Variants in AKR1C4 observed in about 807,000 individuals in gnomAD.
The protein encoded by AKR1C4 is 3-alpha-HSD1.
A neutral mutation model predicts 41.0 loss-of-function variants in AKR1C4; 44 were observed. The observed-to-expected ratio is 1.07, with a 90% CI of 0.84 to 1.38. The LOEUF (loss-of-function observed/expected upper bound fraction) is 1.38. Ranked by LOEUF, AKR1C4 falls within the 40% of genes most tolerant of loss-of-function variation. AKR1C4 has a pLI of 0.00. For synonymous variants in AKR1C4, 165 were observed against 137.7 expected (o/e 1.20, Z -1.39); for missense variants, 438 against 387.9 (o/e 1.13, Z -1.09).
rs782279849 is a variant in AKR1C4, at chr10:5,206,267, C to T, written c.448-8C>T. 1.2e-6 allele frequency: 2 copies of T among 1,614,008 alleles called. No homozygotes were observed. The highest frequency in any genetic ancestry group is 1.7e-6 in the Non-Finnish European group (2 of 1,179,918). On this transcript the variant is annotated splice_region_variant and splice_polypyrimidine_tract_variant and intron_variant, in intron 4 of 8. Coordinates refer to ENST00000263126, the MANE Select transcript of AKR1C4 (RefSeq NM_001818.5). ...ACAAATAATTCCTCACAACCCCTTT[C>T]TCCCCAGGTCATGGAGAAGTGTAAG...
chr10:5,206,126 T>G, intron 4 of AKR1C4, 149 bp from the exon 5 acceptor site: 1 of 1,378,946 alleles, frequency 7.3e-7, no homozygotes, highest in Non-Finnish European at 9.8e-7. Flanking sequence ...CACTATCCTT[T>G]TGTTATCTGT....
intron 1 of AKR1C4, among the ~76,000 whole-genome samples, chr10:5,197,261 C>T (rs934316809): frequency 6.6e-6 from 1 of 152,218 alleles, no homozygotes; most frequent in Non-Finnish European, 1.5e-5. Context: ...TGGCAGTTCC[C>T]TTTCTAGGAG....
intron 5 of AKR1C4, chr10:5,207,584 T>C (rs1554797589): frequency 7.2e-6 from 7 of 977,028 alleles, no homozygotes; most frequent in South Asian, 1.3e-5. Flanking sequence ...AACTTGTCTC[T>C]CTCAGAAATT....
At chr10:5,203,757 T>C (rs1489472378) in intron 2 of AKR1C4, among the ~76,000 whole-genome samples, 1 of 152,212 alleles carries the variant, frequency 6.6e-6, no homozygotes, top group Admixed American at 6.5e-5. Flanking sequence ...CTGCCTCCAA[T>C]CCACAATCTT....
chr10:5,201,423 A>T (rs1832399789), intron 2 of AKR1C4, among the ~76,000 whole-genome samples: 1 of 151,950 alleles, frequency 6.6e-6, no homozygotes, highest in South Asian at 2.1e-4. Flanking sequence ...ATGTCTATTC[A>T]TGTTATTTGC....
chr10:5,204,071 G>A (rs1832447413), intron 2 of AKR1C4, among the ~76,000 whole-genome samples: 1 of 152,140 alleles, frequency 6.6e-6, no homozygotes, highest in African/African-American at 2.4e-5. Flanking sequence ...CGGGTTCAAT[G>A]GATGAGAAAA....
chr10:5,197,573 G>C, intron 1 of AKR1C4, among the ~76,000 whole-genome samples: 1 of 152,288 alleles, frequency 6.6e-6, no homozygotes, highest in Middle Eastern at 3.4e-3. Context: ...TAAATTTTTG[G>C]TCCGTGTTAA....
At chr10:5,207,752 T>C (rs1404244138) in intron 5 of AKR1C4, 3 of 433,886 alleles carry the variant, frequency 6.9e-6, no homozygotes, top group Admixed American at 6.1e-5. Context: ...AAGATGAATA[T>C]GATACCTTTT....
intron 7 of AKR1C4, 73 bp downstream of exon 7, chr10:5,213,232 G>GACA: frequency 1.3e-6 from 2 of 1,569,830 alleles, no homozygotes; most frequent in Non-Finnish European, 1.7e-6. Context: ...AGGTTCTCAG[G>GACA]ACACCCTTGG....
chr10:5,204,824 CA>C (rs1304136668), intron 3 of AKR1C4, among the ~76,000 whole-genome samples: 4 of 152,088 alleles, frequency 2.6e-5, no homozygotes, highest in Admixed American at 1.3e-4. Flanking sequence ...TGTGGTACCC[CA>C]AAAAAACTGC....
At chr10:5,199,384 G>A (rs1336191522) in intron 1 of AKR1C4, among the ~76,000 whole-genome samples, 1 of 152,080 alleles carries the variant, frequency 6.6e-6, no homozygotes, top group African/African-American at 2.4e-5. Flanking sequence ...CCCTGGCTAC[G>A]GCTCCACCGC....
chr10:5,202,108 A>C (rs944581306), intron 2 of AKR1C4, among the ~76,000 whole-genome samples: 16 of 152,116 alleles, frequency 1.1e-4, no homozygotes, highest in African/African-American at 3.9e-4. Context: ...TTCCATATGA[A>C]TTTGGAATAT....
intron 1 of AKR1C4, 147 bp downstream of exon 1, chr10:5,197,098 A>G (rs1832323055): frequency 1.3e-6 from 1 of 754,396 alleles, no homozygotes; most frequent in Admixed American, 2.1e-5. Flanking sequence ...TCTATGTTCA[A>G]AGAGAAAAGG....
At chr10:5,215,809 C>A (rs1029308087) in intron 7 of AKR1C4, among the ~76,000 whole-genome samples, 2 of 152,154 alleles carry the variant, frequency 1.3e-5, no homozygotes, top group Non-Finnish European at 2.9e-5. Flanking sequence ...AATCACTTAA[C>A]CAATGCCTAA....
In AKR1C4 at chr10:5,202,392, G is replaced by C. The variant is rs1432946907; in HGVS notation, c.253-1985G>C. The C allele has an allele frequency of 5.7e-5, 24 of 422,658 alleles. No individual in the cohort carries two copies. The Admixed American group carries it at 6.0e-4, about 11-fold the overall frequency. 26.2% of individuals were successfully genotyped at this position (422,658 alleles called of 1,614,324 possible). On this transcript the variant is annotated intron_variant, in intron 2 of 8. Coordinates refer to ENST00000263126, the MANE Select transcript of AKR1C4 (RefSeq NM_001818.5). ...GACTTTACTGAATTTGTTTGTCGGA[G>C]GAGCTTTTTGGATGAGGCTTTGGGG...
chr10:5,205,928 T>C, intron 4 of AKR1C4, 94 bp downstream of exon 4: 2 of 1,279,802 alleles, frequency 1.6e-6, no homozygotes, highest in Non-Finnish European at 2.2e-6. Flanking sequence ...TATGCACCAT[T>C]GGAACTAGAA....
At chr10:5,217,606 A>G (rs561731218) in intron 8 of AKR1C4, among the ~76,000 whole-genome samples, 53 of 152,358 alleles carry the variant, frequency 3.5e-4, no homozygotes, top group African/African-American at 1.2e-3. Context: ...CTAAAAATAA[A>G]AAAATTAGCC....
Position 5,204,487 on chromosome 10 carries a change from T to C in AKR1C4, c.363T>C (p.Ala121=). Residue 121 remains alanine, a synonymous_variant, in exon 3 of 9, where the codon GCT becomes GCC. Transcript: ENST00000263126. ...VDLYLLHFPM[A]LKPGETPLPK... ...TCTATCTTCTTCATTTCCCAATGGCTCTCAAGGTAGGGAATTTGTGAGATC... is the reference window on the plus strand; with the variant it reads ...TCTATCTTCTTCATTTCCCAATGGCCCTCAAGGTAGGGAATTTGTGAGATC... 6.2e-7 allele frequency: 1 copy of C among 1,607,656 alleles called. No individual in the cohort carries two copies. Among genetic ancestry groups the C allele is most frequent in the African/African-American group, 1.3e-5 (1 of 74,878 alleles).
chr10:5,203,488 G>A (rs1258146681), intron 2 of AKR1C4, among the ~76,000 whole-genome samples: 2 of 152,176 alleles, frequency 1.3e-5, no homozygotes, highest in Non-Finnish European at 2.9e-5. Flanking sequence ...GTAGGGTTAA[G>A]GCCTTACCCA....
Sources: gnomAD v4.1 joint callset for allele counts (sites outside exome capture counted in the v4.1 genomes callset) on GRCh38, gnomAD v4.1.1 for gene constraint, MANE v1.5 for transcripts, NCBI Gene and HGNC (gene_info 2026-07-23, HGNC 2026-07-21) for gene names.